GPC5: variants seen among roughly 807,000 people sequenced by gnomAD.
GPC5 encodes the protein glypican 5.
In GPC5, 47 loss-of-function variants were observed where a neutral mutation model predicts 53.9. That is an observed-to-expected ratio of 0.87 (90% CI 0.69 to 1.11). The LOEUF (loss-of-function observed/expected upper bound fraction) is 1.11. Ranked by LOEUF, GPC5 falls within the 50% of genes most tolerant of loss-of-function variation. The pLI, the probability that GPC5 is intolerant of heterozygous loss-of-function variation, is 0.00. For synonymous variants in GPC5, 286 were observed against 263.3 expected (o/e 1.09, Z -0.84); for missense variants, 748 against 713.1 (o/e 1.05, Z -0.56).
At chr13:91,585,606 C>G (rs549572748) in intron 2 of GPC5, among the ~76,000 whole-genome samples, 1 of 152,216 alleles carries the variant, frequency 6.6e-6, no homozygotes, top group Admixed American at 6.5e-5. Context: ...TGGCGTTTGA[C>G]CCAAAATAGT....
chr13:92,794,655 C>A (rs901166859), intron 7 of GPC5, among the ~76,000 whole-genome samples: 1 of 152,140 alleles, frequency 6.6e-6, no homozygotes, highest in Non-Finnish European at 1.5e-5. Flanking sequence ...AGCCAAAAAT[C>A]TCCATAAGCT....
intron 7 of GPC5, among the ~76,000 whole-genome samples, chr13:92,597,826 G>C (rs1420913455): frequency 2.6e-5 from 4 of 152,128 alleles, no homozygotes; most frequent in African/African-American, 7.2e-5. Context: ...GTGGCATCTG[G>C]CATGCTTGCA....
At chr13:92,462,857 C>A (rs371022592) in intron 7 of GPC5, among the ~76,000 whole-genome samples, 1 of 152,036 alleles carries the variant, frequency 6.6e-6, no homozygotes, top group African/African-American at 2.4e-5. Context: ...GGTGGGATTA[C>A]AGGCATGTGC....
chr13:92,379,709 C>T (rs1477633219), intron 7 of GPC5, among the ~76,000 whole-genome samples: 1 of 152,120 alleles, frequency 6.6e-6, no homozygotes. Context: ...TTGTTCCTCG[C>T]TGTGCCCTCT....
intron 4 of GPC5, among the ~76,000 whole-genome samples, chr13:91,730,937 C>T (rs1423318840): frequency 6.6e-6 from 1 of 152,124 alleles, no homozygotes; most frequent in African/African-American, 2.4e-5. Flanking sequence ...CTGGAAATGT[C>T]AGTACTTTCC....
At chr13:92,156,292 G>A (rs1288969089) in intron 7 of GPC5, among the ~76,000 whole-genome samples, 1 of 152,102 alleles carries the variant, frequency 6.6e-6, no homozygotes, top group Admixed American at 6.6e-5. Context: ...CAAGAGTTCA[G>A]CAGGTTTCAG....
At chr13:91,487,233 AT>A (rs1398790221) in intron 2 of GPC5, among the ~76,000 whole-genome samples, 1 of 152,188 alleles carries the variant, frequency 6.6e-6, no homozygotes, top group African/African-American at 2.4e-5. Flanking sequence ...AACGATGCTT[AT>A]ATACTCTTCT....
intron 6 of GPC5, among the ~76,000 whole-genome samples, chr13:91,970,356 A>C (rs1330903824): frequency 6.6e-6 from 1 of 152,132 alleles, no homozygotes; most frequent in African/African-American, 2.4e-5. Flanking sequence ...TAAGTTCTGG[A>C]GATCTAATGT....
intron 2 of GPC5, among the ~76,000 whole-genome samples, chr13:91,576,091 G>T (rs1263207518): frequency 6.6e-6 from 1 of 152,092 alleles, no homozygotes; most frequent in Non-Finnish European, 1.5e-5. Flanking sequence ...GAGATTACCA[G>T]AGGCTGAAGG....
intron 2 of GPC5, among the ~76,000 whole-genome samples, chr13:91,537,395 T>A (rs1886641688): frequency 1.3e-5 from 2 of 152,106 alleles, no homozygotes; most frequent in African/African-American, 2.4e-5. Flanking sequence ...TATAAGGGAA[T>A]GAAAAATTAG....
intron 7 of GPC5, among the ~76,000 whole-genome samples, chr13:92,295,626 T>C (rs1209929843): frequency 1.3e-5 from 2 of 152,210 alleles, no homozygotes; most frequent in African/African-American, 4.8e-5. Flanking sequence ...TGTTTTATAA[T>C]CTTGGGAGCT....
At chr13:92,662,465 GA>G (rs1336842152) in intron 7 of GPC5, among the ~76,000 whole-genome samples, 1 of 39,924 alleles carries the variant, frequency 2.5e-5, no homozygotes, top group Non-Finnish European at 1.3e-4. Flanking sequence ...TTATCAAGTT[GA>G]GGGGTACCAC....
chr13:92,861,695 C>A (rs1244991664), intron 7 of GPC5, among the ~76,000 whole-genome samples: 1 of 151,784 alleles, frequency 6.6e-6, no homozygotes, highest in African/African-American at 2.4e-5. Flanking sequence ...TTTGTTGTAC[C>A]AAAGGTTCTT....
chr13:91,942,910 T>C (rs1233566762), intron 6 of GPC5, among the ~76,000 whole-genome samples: 1 of 152,082 alleles, frequency 6.6e-6, no homozygotes, highest in African/African-American at 2.4e-5. Flanking sequence ...TTAAGAAAAT[T>C]ATATTTAAGC....
chr13:92,226,276 T>C (rs1289022660), intron 7 of GPC5, among the ~76,000 whole-genome samples: 1 of 152,220 alleles, frequency 6.6e-6, no homozygotes, highest in Non-Finnish European at 1.5e-5. Context: ...AACACACTAA[T>C]ACATTCCAGT....
intron 6 of GPC5, among the ~76,000 whole-genome samples, chr13:92,140,287 G>C (rs1362449488): frequency 6.6e-6 from 1 of 152,168 alleles, no homozygotes; most frequent in Non-Finnish European, 1.5e-5. Flanking sequence ...GTAGCGGGGA[G>C]CTGTGTTTAG....
At chr13:92,040,752 A>T (rs1466832539) in intron 6 of GPC5, among the ~76,000 whole-genome samples, 1 of 152,234 alleles carries the variant, frequency 6.6e-6, no homozygotes, top group Non-Finnish European at 1.5e-5. Flanking sequence ...TGTATAGCTC[A>T]AACCTATTTC....
At chr13:91,452,324 A>G (rs1881239355) in intron 2 of GPC5, among the ~76,000 whole-genome samples, 1 of 152,130 alleles carries the variant, frequency 6.6e-6, no homozygotes, top group Non-Finnish European at 1.5e-5. Context: ...ATGACCTGGG[A>G]CTTCACTATA....
intron 6 of GPC5, among the ~76,000 whole-genome samples, chr13:91,956,513 C>T (rs1466717440): frequency 3.3e-5 from 5 of 152,248 alleles, no homozygotes; most frequent in African/African-American, 7.2e-5. Context: ...CCAAGAAAGC[C>T]GCCAGAAATG....
Sources: allele counts gnomAD v4.1 joint callset (sites outside exome capture counted in the v4.1 genomes callset), GRCh38; gene constraint gnomAD v4.1.1; transcripts MANE v1.5; gene names NCBI Gene and HGNC (gene_info 2026-07-23, HGNC 2026-07-21).